PPM1D: variants seen among roughly 807,000 people sequenced by gnomAD.
The protein encoded by PPM1D is protein phosphatase, Mg2+/Mn2+ dependent 1D, also known as protein phosphatase 1D.
A neutral mutation model predicts 58.3 loss-of-function variants in PPM1D; 52 were observed. The observed-to-expected ratio is 0.89, with a 90% CI of 0.71 to 1.12. The LOEUF is 1.12. Ranked by LOEUF, PPM1D falls within the 50% of genes most tolerant of loss-of-function variation. The pLI, the probability that PPM1D is intolerant of heterozygous loss-of-function variation, is 0.00. For synonymous variants in PPM1D, 278 were observed against 285.1 expected (o/e 0.98, Z 0.25); for missense variants, 564 against 777.2 (o/e 0.73, Z 3.26).
At chr17:60,623,365 T>G (rs1303044918) in intron 1 of PPM1D, among the ~76,000 whole-genome samples, 156 bp from the exon 2 acceptor site, 1 of 152,242 alleles carries the variant, frequency 6.6e-6, no homozygotes, top group African/African-American at 2.4e-5. Flanking sequence ...TTAATTAACC[T>G]AAGTCCTTTA....
intron 1 of PPM1D, among the ~76,000 whole-genome samples, chr17:60,615,675 CTT>C (rs746657008): frequency 1.1e-4 from 14 of 124,804 alleles, no homozygotes; most frequent in Non-Finnish European, 1.7e-4. Flanking sequence ...TTTCTTTTTA[CTT>C]TTTTTTTTTT....
At chr17:60,634,838 T>C (rs1464053715) in intron 3 of PPM1D, among the ~76,000 whole-genome samples, 1 of 152,196 alleles carries the variant, frequency 6.6e-6, no homozygotes, top group African/African-American at 2.4e-5. Flanking sequence ...TGGATTGCAG[T>C]GGCATGATGA....
In PPM1D at chr17:60,645,246, C is replaced by T. The variant is rs368740329; in HGVS notation, c.827-2646C>T. 9.4e-4 allele frequency among the ~76,000 whole-genome samples: 143 copies of T among 151,884 alleles called. 6 individuals are homozygous for T. The South Asian group carries it at 0.028, about 30-fold the overall frequency. On this transcript the variant is annotated intron_variant, in intron 3 of 5. Transcript: ENST00000305921. ...GCGGGCACCTGTAATCCCAGCTACT[C>T]GGGAGGCTGAGGCAGGAGAATCACT...
intron 1 of PPM1D, among the ~76,000 whole-genome samples, chr17:60,609,975 A>T (rs1456712380): frequency 1.3e-4 from 19 of 151,944 alleles, no homozygotes; most frequent in African/African-American, 4.6e-4. Flanking sequence ...AGGTCAGGAG[A>T]TCAAGACCAT....
At position 60,633,938 on chromosome 17, in the gene PPM1D, A is replaced by G; in HGVS notation, c.787A>G (p.Ile263Val). ...TGGACCTGTTAGAAGGAGCACAGTT[A>G]TTGACCAGATTCCTTTTCTGGCAGT... ...HNGPVRRSTV[I>V]DQIPFLAVAR... is the part of the protein sequence containing the mutation. Residue 263 changes from isoleucine to valine, a missense_variant, in exon 3 of 6, where the codon ATT becomes GTT. By Grantham distance (29) the Ile-to-Val change is conservative. Coordinates refer to ENST00000305921, the MANE Select transcript of PPM1D (RefSeq NM_003620.4). The G allele has an allele frequency of 6.2e-7, 1 of 1,613,934 alleles. No individual in the cohort carries two copies.
chr17:60,632,631 G>A (rs2030945533), intron 2 of PPM1D, among the ~76,000 whole-genome samples: 1 of 152,128 alleles, frequency 6.6e-6, no homozygotes. Context: ...AGACTGAAGT[G>A]GGAGGATGGC....
intron 2 of PPM1D, among the ~76,000 whole-genome samples, chr17:60,632,152 C>T (rs1435461345): frequency 1.3e-5 from 2 of 152,056 alleles, no homozygotes; most frequent in South Asian, 2.1e-4. Flanking sequence ...TGAGATCGCA[C>T]CACTGCACTC....
chr17:60,635,990 G>A (rs1281850076), intron 3 of PPM1D, among the ~76,000 whole-genome samples: 1 of 152,076 alleles, frequency 6.6e-6, no homozygotes, highest in African/African-American at 2.4e-5. Context: ...ATTAATCATC[G>A]AAGCCTTCAA....
intron 3 of PPM1D, among the ~76,000 whole-genome samples, chr17:60,638,370 A>C (rs750599530): frequency 1.2e-4 from 18 of 151,890 alleles, no homozygotes; most frequent in Non-Finnish European, 1.9e-4. Context: ...CACTTGGAAA[A>C]ATTTTTTTTT....
chr17:60,619,978 TTTTTGTTTG>T (rs1413131710), intron 1 of PPM1D, among the ~76,000 whole-genome samples: 4 of 148,272 alleles, frequency 2.7e-5, no homozygotes, highest in African/African-American at 1.1e-4. Flanking sequence ...TTTTTTTTTG[TTTTTGTTTG>T]TTTTGTTTTG....
At chr17:60,626,662 G>A (rs1472287342) in intron 2 of PPM1D, among the ~76,000 whole-genome samples, 2 of 151,978 alleles carry the variant, frequency 1.3e-5, no homozygotes, top group African/African-American at 4.8e-5. Flanking sequence ...CCAAAGTGCT[G>A]GGATTACAGG....
chr17:60,622,845 C>A (rs1033396595), intron 1 of PPM1D, among the ~76,000 whole-genome samples: 1 of 152,126 alleles, frequency 6.6e-6, no homozygotes, highest in Non-Finnish European at 1.5e-5. Context: ...GCCCATGATC[C>A]CAGCACTTTG....
At position 60,663,240 on chromosome 17, in the gene PPM1D, T is replaced by G. The variant is rs1567979583; in HGVS notation, c.1506T>G (p.Asn502Lys). ...TTCCAATTGGCCTTGTGCCTACTAA[T>G]TCAACAAACACTGTCATGGACCAAA... ...NSLPIGLVPT[N>K]STNTVMDQKN... Residue 502 changes from asparagine to lysine, a missense_variant, in exon 6 of 6, where the codon AAT becomes AAG. Physicochemically the swap from Asn to Lys is moderately conservative, Grantham distance 94. Coordinates refer to ENST00000305921, the MANE Select transcript of PPM1D (RefSeq NM_003620.4). The G allele has an allele frequency of 6.2e-7, 1 of 1,614,154 alleles. No homozygotes were observed. The highest frequency in any genetic ancestry group is 1.1e-5 in the South Asian group (1 of 91,086).
chr17:60,646,552 C>G (rs2077939539), intron 3 of PPM1D, among the ~76,000 whole-genome samples: 1 of 152,160 alleles, frequency 6.6e-6, no homozygotes, highest in African/African-American at 2.4e-5. Flanking sequence ...AATGTTTTCT[C>G]CTTTCTGTCT....
intron 1 of PPM1D, among the ~76,000 whole-genome samples, chr17:60,605,147 C>G (rs2030304756): frequency 6.6e-6 from 1 of 152,146 alleles, no homozygotes; most frequent in Non-Finnish European, 1.5e-5. Flanking sequence ...TTTTTTTGGA[C>G]TGTAATTAGG....
chr17:60,612,130 G>A (rs575762296), intron 1 of PPM1D, among the ~76,000 whole-genome samples: 52 of 152,114 alleles, frequency 3.4e-4, no homozygotes, highest in Admixed American at 7.9e-4. Flanking sequence ...TTTGACATAT[G>A]CGCATGTCAA....
intron 2 of PPM1D, among the ~76,000 whole-genome samples, chr17:60,631,933 C>A (rs1290447151): frequency 6.6e-6 from 1 of 152,050 alleles, no homozygotes; most frequent in Non-Finnish European, 1.5e-5. Flanking sequence ...AATCCCAGCA[C>A]TTTGGGAGGC....
chr17:60,654,228 T>C (rs2031393146), intron 4 of PPM1D, among the ~76,000 whole-genome samples: 2 of 151,486 alleles, frequency 1.3e-5, no homozygotes, highest in Non-Finnish European at 2.9e-5. Flanking sequence ...CATAAAGTGA[T>C]GTTCAATTTT....
intron 5 of PPM1D, among the ~76,000 whole-genome samples, chr17:60,661,092 G>A (rs1307220431): frequency 6.6e-6 from 1 of 151,784 alleles, no homozygotes; most frequent in Admixed American, 6.6e-5. Context: ...GGTGGCGCAT[G>A]CCTGTAGTCC....
Sources: allele counts gnomAD v4.1 joint callset (sites outside exome capture counted in the v4.1 genomes callset), GRCh38; gene constraint gnomAD v4.1.1; transcripts MANE v1.5; gene names NCBI Gene and HGNC (gene_info 2026-07-23, HGNC 2026-07-21).